The following IQCE variants were observed in gnomAD, a reference collection of about 807,000 sequenced individuals.
IQCE encodes IQ domain-containing protein E.
Under a neutral mutation model 96.0 loss-of-function variants are expected in IQCE, and 115 were observed. The observed-to-expected ratio is 1.20, with a 90% CI of 1.03 to 1.40. The LOEUF (loss-of-function observed/expected upper bound fraction) is 1.40. IQCE is among the 40% of genes most tolerant of loss of function. The probability of loss-of-function intolerance (pLI) is 0.00; values close to 1 mark genes in which losing one functional copy is unlikely to be tolerated. For synonymous variants in IQCE, 412 were observed against 371.2 expected (o/e 1.11, Z -1.26); for missense variants, 1,041 against 909.1 (o/e 1.15, Z -1.87).
At chr7:2,564,115 G>A (rs1022209363) in intron 1 of IQCE, among the ~76,000 whole-genome samples, 1 of 152,046 alleles carries the variant, frequency 6.6e-6, no homozygotes, top group African/African-American at 2.4e-5. Context: ...AGGAGGCTGA[G>A]GCAGGAGAAT....
intron 3 of IQCE, among the ~76,000 whole-genome samples, chr7:2,569,847 C>T (rs1781635053): frequency 1.3e-5 from 2 of 152,072 alleles, no homozygotes; most frequent in African/African-American, 4.8e-5. Flanking sequence ...TAGGTAAATC[C>T]CTGCACAGAA....
intron 18 of IQCE, among the ~76,000 whole-genome samples, chr7:2,603,606 G>A (rs554670330): frequency 3.7e-4 from 57 of 152,266 alleles, no homozygotes; most frequent in Middle Eastern, 3.4e-3. Context: ...ACGGAGATGC[G>A]TGCCCCTCTC....
At position 2,586,231 on chromosome 7, in the gene IQCE, G is replaced by C; in HGVS notation, c.848G>C (p.Gly283Ala). 1.2e-6 allele frequency: 2 copies of C among 1,613,864 alleles called. No individual in the cohort carries two copies. The highest frequency in any genetic ancestry group is 1.7e-6 in the Non-Finnish European group (2 of 1,179,930). ...GKKPLGEKKT[G>A]AKRQKKMGSA... ...AGGCCCCTGGGGGAGAAGAAGACGG[G>C]CGCCAAAAGGCAGAAGAAGATGGGC... is the stretch of plus-strand genomic sequence containing the variant. Residue 283 changes from glycine (G) to alanine (A), a missense_variant, in exon 12 of 22, where the codon GGC becomes GCC. Physicochemically the swap from Gly to Ala is moderately conservative, Grantham distance 60. Coordinates refer to ENST00000402050, the MANE Select transcript of IQCE (RefSeq NM_152558.5).
chr7:2,592,109 T>G (rs1006832013), intron 14 of IQCE, among the ~76,000 whole-genome samples: 2 of 152,156 alleles, frequency 1.3e-5, no homozygotes, highest in African/African-American at 4.8e-5. Context: ...TGTGTGTACT[T>G]TAGGGACTGA....
chr7:2,583,745 A>T (rs745685049), intron 10 of IQCE, 36 bp downstream of exon 10: 1 of 938,498 alleles, frequency 1.1e-6, no homozygotes, highest in East Asian at 6.2e-5. Context: ...GAGGGCGGGC[A>T]CCGAGCTGGG....
intron 17 of IQCE, among the ~76,000 whole-genome samples, chr7:2,599,043 T>G (rs74731996): frequency 5.7e-4 from 87 of 152,340 alleles, no homozygotes; most frequent in Admixed American, 1.5e-3. Flanking sequence ...ATATGCCGCC[T>G]GCCGCTATCT....
intron 1 of IQCE, chr7:2,559,480 C>CACCGGGGAGCCG (rs1780756473): frequency 4.1e-6 from 1 of 246,440 alleles, no homozygotes; most frequent in Non-Finnish European, 7.7e-6. Flanking sequence ...CGCCTCTGGG[C>CACCGGGGAGCCG]GCCTGCGAGT....
chr7:2,589,180 C>T (rs947271976), intron 13 of IQCE, among the ~76,000 whole-genome samples: 1 of 152,036 alleles, frequency 6.6e-6, no homozygotes, highest in Non-Finnish European at 1.5e-5. Flanking sequence ...CCAGCCTGGG[C>T]AACATAGCAA....
intron 8 of IQCE, 87 bp downstream of exon 8, chr7:2,578,613 C>G: frequency 7.0e-7 from 1 of 1,434,030 alleles, no homozygotes; most frequent in Non-Finnish European, 9.8e-7. Context: ...CCTGCAGCAC[C>G]CACGCGTGAA....
At chr7:2,592,217 T>A (rs1162242846) in intron 14 of IQCE, among the ~76,000 whole-genome samples, 2 of 152,268 alleles carry the variant, frequency 1.3e-5, no homozygotes, top group Non-Finnish European at 2.9e-5. Flanking sequence ...ACCCCTCACG[T>A]GAGGTCTCGG....
intron 18 of IQCE, among the ~76,000 whole-genome samples, chr7:2,604,477 C>T (rs938111003): frequency 2.0e-5 from 3 of 152,166 alleles, no homozygotes; most frequent in Non-Finnish European, 2.9e-5. Flanking sequence ...GTCTTGTGGC[C>T]CCTTGCTTGA....
chr7:2,589,778 C>T (rs1783434313), intron 13 of IQCE, 129 bp from the exon 14 acceptor site: 1 of 802,218 alleles, frequency 1.2e-6, no homozygotes, highest in South Asian at 1.6e-5. Flanking sequence ...TAACTCGGGT[C>T]CCCTCAAAGC....
chr7:2,568,983 T>C lies in IQCE; in HGVS notation c.114T>C (p.Pro38=). ...TKAKRKAFHK[P]PPTSPKSPYL... Reference sequence around the variant, plus strand: ...CAAAAAGGAAAGCTTTCCACAAACCTCCACCCACATCGCCAAGTAAGTATG... The same window carrying C: ...CAAAAAGGAAAGCTTTCCACAAACCCCCACCCACATCGCCAAGTAAGTATG... The change falls in exon 3 of 22, where the codon CCT becomes CCC. Residue 38 remains proline (P), a synonymous_variant. Transcript: ENST00000402050. 1 of 1,613,878 alleles carries C rather than the reference T, an allele frequency of 6.2e-7. No individual in the cohort carries two copies. Among genetic ancestry groups the C allele is most frequent in the Non-Finnish European group, 8.5e-7 (1 of 1,179,990 alleles).
chr7:2,601,419 T>G, intron 17 of IQCE, 22 bp from the exon 18 acceptor site: 2 of 1,471,484 alleles, frequency 1.4e-6, no homozygotes, highest in Non-Finnish European at 9.4e-7. Context: ...CATGTATTTT[T>G]TCTTTCTTTT....
Position 2,590,084 on chromosome 7 carries a change from C to T in IQCE, c.1222C>T (p.Gln408Ter), listed in dbSNP as rs768189355. 2 of 1,612,822 alleles carry T rather than the reference C, an allele frequency of 1.2e-6. No homozygotes were observed. The highest frequency in any genetic ancestry group is 3.3e-5 in the Admixed American group (2 of 60,006). ...CCTGAAGGAAGAGCGGACCGCGCTG[C>T]AGGAGCAGCTGCTGCAGAGAGAGTA... is the stretch of plus-strand genomic sequence containing the variant. ...RDLKEERTALQEQLLQRDLEV... is the reference protein window; with the variant it reads ...RDLKEERTAL Residue 408 changes from glutamine (Q) to a stop codon, truncating the protein, a stop_gained, in exon 14 of 22, where the codon CAG becomes TAG. Transcript: ENST00000402050. LOFTEE classifies it high-confidence loss of function.
Position 2,566,763 on chromosome 7 carries a change from A to G in IQCE, c.37-353A>G, listed in dbSNP as rs570306065. Among the ~76,000 whole-genome samples, 14 of 152,336 alleles carry G rather than the reference A, an allele frequency of 9.2e-5. No homozygotes were observed. In the South Asian group the frequency reaches 2.5e-3, roughly 27 times the overall value. Reference sequence around the variant, plus strand: ...ACAGATTCGTTGTGCTTTGATGTAAAGATGAATAAGAGTGAGAACATTTAT... The same window carrying G: ...ACAGATTCGTTGTGCTTTGATGTAAGGATGAATAAGAGTGAGAACATTTAT... On this transcript the variant is annotated intron_variant, in intron 1 of 21. Coordinates refer to ENST00000402050, the MANE Select transcript of IQCE (RefSeq NM_152558.5).
intron 8 of IQCE, 117 bp from the exon 9 acceptor site, chr7:2,582,463 A>T: frequency 1.3e-6 from 1 of 771,946 alleles, no homozygotes; most frequent in Non-Finnish European, 2.3e-6. Context: ...AGAAGAGAGC[A>T]CAGCGCTGGA....
chr7:2,608,236 C>T (rs879240357), intron 21 of IQCE, among the ~76,000 whole-genome samples: 1 of 152,148 alleles, frequency 6.6e-6, no homozygotes, highest in African/African-American at 2.4e-5. Context: ...GCGGAGGCCT[C>T]GCTTTCCTGG....
chr7:2,587,752 A>C, intron 12 of IQCE, 70 bp from the exon 13 acceptor site: 1 of 1,440,496 alleles, frequency 6.9e-7, no homozygotes, highest in Non-Finnish European at 9.8e-7. Context: ...CTCAGGCCAT[A>C]CCTGAGAAGG....
Sources: gnomAD v4.1 joint callset for allele counts (sites outside exome capture counted in the v4.1 genomes callset) on GRCh38, gnomAD v4.1.1 for gene constraint, MANE v1.5 for transcripts, NCBI Gene and HGNC (gene_info 2026-07-23, HGNC 2026-07-21) for gene names.